The following GLI3 variants were observed in gnomAD, a reference collection of about 807,000 sequenced individuals.
GLI3 encodes the protein GLI family zinc finger 3, also known as transcription activator GLI3.
Under a neutral mutation model 100.8 loss-of-function variants are expected in GLI3, and 20 were observed. The ratio of observed to expected loss-of-function variants is 0.20; its 90% CI spans 0.14 to 0.29. GLI3 has a LOEUF of 0.29. GLI3 is among the 10% of genes least tolerant of loss of function. The probability of loss-of-function intolerance (pLI) is 1.00; values close to 1 mark genes in which losing one functional copy is unlikely to be tolerated. For missense variants in GLI3, 2,040 were observed against 2,128.5 expected, an observed-to-expected ratio of 0.96 and a Z score of 0.82; for synonymous variants, 938 against 860.5, an observed-to-expected ratio of 1.09 and a Z score of -1.58.
chr7:41,969,044 G>A (rs1787301235), intron 13 of GLI3, among the ~76,000 whole-genome samples: 1 of 152,122 alleles, frequency 6.6e-6, no homozygotes, highest in Non-Finnish European at 1.5e-5. Context: ...CAATATCTGG[G>A]GATTACTATA....
chr7:41,966,136 G>A lies in GLI3; in HGVS notation c.2937C>T (p.Cys979=), dbSNP rs757033361. 4 of 1,590,812 alleles carry A rather than the reference G, an allele frequency of 2.5e-6. No individual in the cohort carries two copies. In the Admixed American group the frequency reaches 6.9e-5, roughly 27 times the overall value. The change falls in exon 15 of 15, where the codon TGC becomes TGT. Residue 979 remains cysteine (C), a synonymous_variant. Coordinates refer to ENST00000395925, the MANE Select transcript of GLI3 (RefSeq NM_000168.6). This position sits in a 1 kb window ranked among gnomAD's most constrained non-coding sequence, Gnocchi z 5.8. ...CGTAGCCGTGGGCTCCCCCGTCGCTGCACCTCCTCGGGGCATGAACTGGAG... is the reference window on the plus strand; with the variant it reads ...CGTAGCCGTGGGCTCCCCCGTCGCTACACCTCCTCGGGGCATGAACTGGAG... ...ALPPVHAPRR[C]SDGGAHGYGR...
chr7:42,236,523 C>T (rs1409336726), intron 1 of GLI3, among the ~76,000 whole-genome samples: 1 of 152,154 alleles, frequency 6.6e-6, no homozygotes, highest in African/African-American at 2.4e-5. Context: ...CGCGCGCACC[C>T]ACCATGCCTC....
chr7:41,984,817 AT>A (rs1260348509), intron 10 of GLI3, among the ~76,000 whole-genome samples: 9 of 152,362 alleles, frequency 5.9e-5, no homozygotes, highest in African/African-American at 2.2e-4. Context: ...GAACTGCTTT[AT>A]CAATTTAAAA....
At chr7:42,221,533 TCCTCACACACTCACACTCACTCACAC>T (rs1434107070) in intron 2 of GLI3, among the ~76,000 whole-genome samples, 1 of 151,892 alleles carries the variant, frequency 6.6e-6, no homozygotes, top group Non-Finnish European at 1.5e-5. Flanking sequence ...CTCACACATA[TCCTCACACACTCACACTCACTCACAC>T]CCTCACACAC....
At chr7:41,979,994 A>T (rs993488775) in intron 10 of GLI3, among the ~76,000 whole-genome samples, 1 of 152,222 alleles carries the variant, frequency 6.6e-6, no homozygotes, top group African/African-American at 2.4e-5. Flanking sequence ...GGTAAAAAAA[A>T]GTTTTACAAA....
At chr7:42,252,952 A>G (rs1789048768) in intron 1 of GLI3, among the ~76,000 whole-genome samples, 2 of 152,252 alleles carry the variant, frequency 1.3e-5, no homozygotes, top group Non-Finnish European at 2.9e-5. Flanking sequence ...ATGGTACAAA[A>G]GTTGAAATTA....
chr7:42,174,286 C>A (rs1397205639), intron 2 of GLI3, among the ~76,000 whole-genome samples: 1 of 152,122 alleles, frequency 6.6e-6, no homozygotes, highest in East Asian at 1.9e-4. Flanking sequence ...AACCTTCCCA[C>A]AAAATAAATA....
At chr7:42,114,114 G>C (rs1785786676) in intron 3 of GLI3, among the ~76,000 whole-genome samples, 1 of 152,242 alleles carries the variant, frequency 6.6e-6, no homozygotes, top group South Asian at 2.1e-4. Flanking sequence ...CAAAAGAGCA[G>C]TGGTTCCGTT....
intron 10 of GLI3, among the ~76,000 whole-genome samples, chr7:42,015,919 C>T (rs1788747812): frequency 6.6e-6 from 1 of 152,006 alleles, no homozygotes; most frequent in Admixed American, 6.6e-5. Context: ...TCTTTCTCCA[C>T]ACTACGCGAC....
At chr7:42,045,352 C>A in intron 6 of GLI3, 32 bp downstream of exon 6, 2 of 1,604,720 alleles carry the variant, frequency 1.2e-6, no homozygotes, top group Non-Finnish European at 1.7e-6. Flanking sequence ...TTGCCATTTC[C>A]CAAGACTCTA....
intron 2 of GLI3, among the ~76,000 whole-genome samples, chr7:42,173,625 C>T (rs945086725): frequency 6.6e-6 from 1 of 152,118 alleles, no homozygotes; most frequent in African/African-American, 2.4e-5. Flanking sequence ...GCCTTCTAAA[C>T]CAGGCTCCTT....
chr7:42,025,704 G>A (rs1164180895), intron 8 of GLI3, among the ~76,000 whole-genome samples: 1 of 152,196 alleles, frequency 6.6e-6, no homozygotes, highest in Non-Finnish European at 1.5e-5. Context: ...GAGGGTAGAA[G>A]ACCAACACGT....
intron 10 of GLI3, among the ~76,000 whole-genome samples, chr7:42,016,676 ATTC>A (rs1788772891): frequency 6.6e-6 from 1 of 152,008 alleles, no homozygotes; most frequent in Admixed American, 6.6e-5. Flanking sequence ...TCAGGTGCTA[ATTC>A]TTCTCAAATC....
At chr7:42,030,493 T>C (rs533521348) in intron 7 of GLI3, among the ~76,000 whole-genome samples, 1 of 152,344 alleles carries the variant, frequency 6.6e-6, no homozygotes, top group East Asian at 1.9e-4. Flanking sequence ...AAAGCAGTAT[T>C]ACACAAACGA....
intron 3 of GLI3, chr7:42,113,292 C>A: frequency 1.7e-6 from 1 of 582,826 alleles, no homozygotes. Flanking sequence ...AGAACGACCC[C>A]CGGACCGACC....
At chr7:42,088,436 C>T (rs1785149646) in intron 3 of GLI3, among the ~76,000 whole-genome samples, 1 of 152,192 alleles carries the variant, frequency 6.6e-6, no homozygotes, top group Admixed American at 6.5e-5. Flanking sequence ...ATCTGGCTTC[C>T]TATTTTGATT....
upstream of GLI3, among the ~76,000 whole-genome samples, chr7:42,238,972 T>C (rs1401788755): frequency 1.3e-5 from 2 of 152,232 alleles, no homozygotes; most frequent in Non-Finnish European, 2.9e-5. Flanking sequence ...GAGATTCAAA[T>C]GCTTAACTGA....
chr7:42,088,204 A>G (rs995140525), intron 3 of GLI3, among the ~76,000 whole-genome samples: 4 of 152,218 alleles, frequency 2.6e-5, no homozygotes, highest in Non-Finnish European at 5.9e-5. Flanking sequence ...GCATCTATCA[A>G]ATGGTATCAT....
At chr7:42,220,617 C>T (rs1186226477) in intron 2 of GLI3, among the ~76,000 whole-genome samples, 1 of 152,180 alleles carries the variant, frequency 6.6e-6, no homozygotes, top group East Asian at 1.9e-4. Context: ...AATCCTGGGA[C>T]TGTAAAAAGG....
Sources: gnomAD v4.1 joint callset for allele counts (sites outside exome capture counted in the v4.1 genomes callset) on GRCh38, gnomAD v4.1.1 for gene constraint, Gnocchi (gnomAD v3.1) non-coding constraint, MANE v1.5 for transcripts, NCBI Gene and HGNC (gene_info 2026-07-23, HGNC 2026-07-21) for gene names.